The following VPS53 variants were observed in gnomAD, a reference collection of about 807,000 sequenced individuals.
The protein encoded by VPS53 is vacuolar protein sorting-associated protein 53 homolog.
VPS53 carries 70 observed loss-of-function variants against 107.0 expected under a neutral mutation model. The ratio of observed to expected loss-of-function variants is 0.65; its 90% CI spans 0.54 to 0.80. The LOEUF is 0.80. Among genes scored for constraint, VPS53 ranks in the 30% least tolerant of loss-of-function variants. The pLI, the probability that VPS53 is intolerant of heterozygous loss-of-function variation, is 0.00. For missense variants in VPS53, 917 were observed against 1,049.4 expected (o/e 0.87, Z 1.74); for synonymous variants, 409 against 393.3 (o/e 1.04, Z -0.47).
At chr17:579,785 C>T (rs188867951) in intron 13 of VPS53, among the ~76,000 whole-genome samples, 4 of 149,684 alleles carry the variant, frequency 2.7e-5, no homozygotes, top group South Asian at 4.3e-4. Flanking sequence ...AACCTGAGTG[C>T]ATTAACAGAG....
intron 11 of VPS53, among the ~76,000 whole-genome samples, chr17:602,495 C>A (rs1210832624): frequency 6.6e-6 from 1 of 152,240 alleles, no homozygotes; most frequent in Non-Finnish European, 1.5e-5. Context: ...ACAACCACAA[C>A]AGAAATCTCC....
chr17:654,264 G>T (rs55700948), intron 6 of VPS53, among the ~76,000 whole-genome samples: 1 of 152,048 alleles, frequency 6.6e-6, no homozygotes, highest in Non-Finnish European at 1.5e-5. Context: ...GTTCTAAGGC[G>T]TCTGTATCAC....
At chr17:529,423 C>CA in intron 19 of VPS53, among the ~76,000 whole-genome samples, 1 of 150,844 alleles carries the variant, frequency 6.6e-6, no homozygotes, top group Non-Finnish European at 1.5e-5. Context: ...CACACACACA[C>CA]CCCTGCTGGG....
chr17:658,416 C>T (rs1971298012), intron 5 of VPS53, among the ~76,000 whole-genome samples: 4 of 143,604 alleles, frequency 2.8e-5, no homozygotes, highest in Non-Finnish European at 6.0e-5. Flanking sequence ...AAGTGAGAAA[C>T]TCGGCCGTGA....
At chr17:557,183 T>C (rs1912520002) in intron 15 of VPS53, among the ~76,000 whole-genome samples, 1 of 152,190 alleles carries the variant, frequency 6.6e-6, no homozygotes, top group Non-Finnish European at 1.5e-5. Context: ...AAAAACTATT[T>C]ACACCTCTCT....
intron 1 of VPS53, chr17:714,070 T>C (rs1175861970): frequency 1.3e-5 from 2 of 148,506 alleles, no homozygotes; most frequent in East Asian, 3.9e-4. Flanking sequence ...AAAAAGTTCC[T>C]GAAGGGAAAA....
chr17:557,719 A>C (rs984465308), intron 15 of VPS53, among the ~76,000 whole-genome samples: 2 of 152,216 alleles, frequency 1.3e-5, no homozygotes, highest in Admixed American at 1.3e-4. Context: ...TAAATAAAAA[A>C]TAATTGGCCA....
At chr17:558,213 A>G (rs1221909161) in intron 15 of VPS53, among the ~76,000 whole-genome samples, 1 of 152,206 alleles carries the variant, frequency 6.6e-6, no homozygotes, top group Non-Finnish European at 1.5e-5. Context: ...CACGCCTATA[A>G]TCCCAGCACT....
chr17:537,333 G>T, intron 17 of VPS53, 157 bp from the exon 18 acceptor site: 1 of 794,542 alleles, frequency 1.3e-6, no homozygotes. Flanking sequence ...TCGTTCTGTA[G>T]GGACTGATAC....
At chr17:630,492 T>A (rs1460786835) in intron 8 of VPS53, among the ~76,000 whole-genome samples, 1 of 152,172 alleles carries the variant, frequency 6.6e-6, no homozygotes, top group African/African-American at 2.4e-5. Flanking sequence ...TCCCTGCAGT[T>A]ATATCAGATG....
chr17:695,883 G>A (rs945613909), intron 4 of VPS53, among the ~76,000 whole-genome samples: 5 of 152,156 alleles, frequency 3.3e-5, no homozygotes, highest in East Asian at 1.9e-4. Context: ...GAGCTGATAC[G>A]GTGTCTGAAG....
At chr17:623,158 C>G (rs1969544920) in intron 11 of VPS53, among the ~76,000 whole-genome samples, 1 of 152,100 alleles carries the variant, frequency 6.6e-6, no homozygotes, top group Non-Finnish European at 1.5e-5. Context: ...GTTTGTTCAC[C>G]AGAGATGTTA....
chr17:712,846 C>T (rs774256031), intron 1 of VPS53, among the ~76,000 whole-genome samples: 1 of 152,162 alleles, frequency 6.6e-6, no homozygotes, highest in Non-Finnish European at 1.5e-5. Context: ...GTCAACCAAA[C>T]AGTAACTGAC....
intron 2 of VPS53, among the ~76,000 whole-genome samples, chr17:707,813 C>G (rs1179692314): frequency 6.8e-6 from 1 of 147,720 alleles, no homozygotes; most frequent in Non-Finnish European, 1.5e-5. Context: ...CCACTGCACT[C>G]CAACCTGGGC....
chr17:628,863 C>T (rs331014), intron 8 of VPS53, among the ~76,000 whole-genome samples: 52,873 of 152,122 alleles, frequency 0.35, 11,027 homozygotes, highest in Non-Finnish European at 0.47. Context: ...AGATACCAGG[C>T]GCTGTACTGA....
intron 15 of VPS53, among the ~76,000 whole-genome samples, 172 bp from the exon 16 acceptor site, chr17:553,634 G>A (rs566464396): frequency 2.7e-5 from 4 of 146,598 alleles, no homozygotes; most frequent in East Asian, 2.0e-4. Context: ...GCAGTGGTGC[G>A]ACCTCGGCTC....
intron 17 of VPS53, among the ~76,000 whole-genome samples, chr17:549,133 T>C (rs565252769): frequency 6.6e-6 from 1 of 150,394 alleles, no homozygotes; most frequent in African/African-American, 2.4e-5. Context: ...AGCACTGTGC[T>C]GGGCAGGGTC....
At position 657,167 on chromosome 17, in the gene VPS53, C is replaced by T; in HGVS notation, c.373-1214G>A. On this transcript the variant is annotated intron_variant, in intron 5 of 21. Transcript: ENST00000437048. Reference sequence around the variant, plus strand: ...CGGATGGTGCGAGCATCATGAGTCACCAGATGAGGGATTCCTTTTGTGCCC... The same window carrying T: ...CGGATGGTGCGAGCATCATGAGTCATCAGATGAGGGATTCCTTTTGTGCCC... 2.0e-6 allele frequency: 3 copies of T among 1,511,710 alleles called. No homozygotes were observed. The South Asian group carries it at 3.4e-5, about 17-fold the overall frequency. 93.6% of individuals were successfully genotyped at this position (1,511,710 alleles called of 1,614,324 possible). A position where few individuals can be genotyped will look rare whatever the true frequency, so the allele number is the denominator to read the frequency against.
At chr17:657,199 A>T in intron 5 of VPS53, 2 of 1,519,636 alleles carry the variant, frequency 1.3e-6, no homozygotes, top group South Asian at 1.1e-5. Context: ...GCCCACAAAG[A>T]TTTTTCTCAC....
Sources: gnomAD v4.1 joint callset for allele counts (sites outside exome capture counted in the v4.1 genomes callset) on GRCh38, gnomAD v4.1.1 for gene constraint, MANE v1.5 for transcripts, NCBI Gene and HGNC (gene_info 2026-07-23, HGNC 2026-07-21) for gene names.